CS: variants seen among roughly 807,000 people sequenced by gnomAD.
CS encodes the protein citrate synthase, mitochondrial.
Under a neutral mutation model 61.4 loss-of-function variants are expected in CS, and 13 were observed. The observed-to-expected ratio is 0.21, with a 90% CI of 0.14 to 0.34. The LOEUF is 0.34. CS is among the 10% of genes least tolerant of loss of function. The probability of loss-of-function intolerance (pLI) is 1.00; values close to 1 mark genes in which losing one functional copy is unlikely to be tolerated. For synonymous variants in CS, 159 were observed against 215.2 expected (o/e 0.74, Z 2.29); for missense variants, 278 against 573.4 (o/e 0.48, Z 5.26).
intron 7 of CS, 191 bp downstream of exon 7, chr12:56,275,805 C>T: frequency 1.7e-6 from 1 of 604,900 alleles, no homozygotes; most frequent in Non-Finnish European, 2.9e-6. Context: ...AGCATGGTTA[C>T]AGTAATTTCT....
chr12:56,277,925 G>A lies in CS; in HGVS notation c.589-1730C>T, dbSNP rs574032152. ...ATTACAGGAGTGAGCCACCGCACCC[G>A]GCCGAGGCTTCCATTCTTTAAGCAC... On this transcript the variant is annotated intron_variant, in intron 6 of 10. Coordinates refer to ENST00000351328, the MANE Select transcript of CS (RefSeq NM_004077.3). Among the ~76,000 whole-genome samples, 8 of 151,846 alleles carry A rather than the reference G, an allele frequency of 5.3e-5. No homozygotes were observed. In the South Asian group the frequency reaches 1.0e-3, roughly 20 times the overall value.
At chr12:56,299,940 G>T (rs1282406325) in intron 1 of CS, 2 of 494,134 alleles carry the variant, frequency 4.0e-6, no homozygotes, top group African/African-American at 2.1e-5. Flanking sequence ...TCTGGACTGC[G>T]GGCCGAGGGC....
At chr12:56,299,178 C>T (rs1873400213) in intron 1 of CS, among the ~76,000 whole-genome samples, 1 of 152,086 alleles carries the variant, frequency 6.6e-6, no homozygotes, top group Non-Finnish European at 1.5e-5. Context: ...TGGGACTGTC[C>T]CCTGCTTGGA....
In CS at chr12:56,300,166, T is replaced by C; in HGVS notation, c.36A>G (p.Gly12=). 3 of 1,568,952 alleles carry C rather than the reference T, an allele frequency of 1.9e-6. No homozygotes were observed. The highest frequency in any genetic ancestry group is 2.6e-6 in the Non-Finnish European group (3 of 1,158,322). ...ALLTAAARLL[G]TKNASCLVLA... ...CCCTCCCCTCGCTGCTCACCTTGGT[T>C]CCCAAGAGCCGGGCGGCCGCAGTAA... The change falls in exon 1 of 11, where the codon GGA becomes GGG. Residue 12 remains glycine, a synonymous_variant. Transcript: ENST00000351328.
intron 9 of CS, 199 bp from the exon 10 acceptor site, chr12:56,273,995 G>T: frequency 3.7e-6 from 2 of 542,646 alleles, no homozygotes; most frequent in Non-Finnish European, 3.3e-6. Context: ...CAACACATCT[G>T]GCTTTTTTTT....
intron 1 of CS, among the ~76,000 whole-genome samples, chr12:56,298,253 C>T (rs1241483065): frequency 6.6e-6 from 1 of 152,198 alleles, no homozygotes; most frequent in Non-Finnish European, 1.5e-5. Context: ...CCGCCTCTGC[C>T]TCCCAAAGTG....
intron 3 of CS, among the ~76,000 whole-genome samples, chr12:56,284,897 CA>C (rs71081341): frequency 0.82 from 82,009 of 99,840 alleles, 33,077 homozygotes; most frequent in South Asian, 0.93. Context: ...GACTCCGTCC[CA>C]AAAAAAAAAA....
At chr12:56,281,463 C>T (rs1872774697) in intron 6 of CS, among the ~76,000 whole-genome samples, 1 of 152,176 alleles carries the variant, frequency 6.6e-6, no homozygotes, top group Non-Finnish European at 1.5e-5. Context: ...TGATGGGTAT[C>T]TTAGGTTGGC....
rs763449854 is a variant in CS, at chr12:56,282,916, G to C, written c.343C>G (p.Leu115Val). Residue 115 changes from leucine to valine, a missense_variant, in exon 5 of 11, where the codon CTG becomes GTG. By Grantham distance (32) the Leu-to-Val change is conservative (BLOSUM62 1). This residue lies in a region of CS where 223 missense variants were observed against 503.5 expected (regional missense o/e 0.44). Coordinates refer to ENST00000351328, the MANE Select transcript of CS (RefSeq NM_004077.3). ...AGCAGCCAAAATAAGCCCTCAGGCA[G>C]GGGTTCTTCCCCACCCTTAGCCTTG... ...LPKAKGGEEP[L>V]PEGLFWLLVT... 1.2e-6 allele frequency: 2 copies of C among 1,614,078 alleles called. No individual in the cohort carries two copies. Among genetic ancestry groups the C allele is most frequent in the East Asian group, 4.5e-5 (2 of 44,900 alleles).
intron 1 of CS, among the ~76,000 whole-genome samples, chr12:56,296,662 C>T (rs1873316589): frequency 6.6e-6 from 1 of 152,104 alleles, no homozygotes; most frequent in Admixed American, 6.6e-5. Flanking sequence ...CCTTCTGCTG[C>T]CCCTTGGATT....
chr12:56,278,732 C>CG (rs1369628886), intron 6 of CS, among the ~76,000 whole-genome samples: 1 of 141,502 alleles, frequency 7.1e-6, no homozygotes, highest in Non-Finnish European at 1.5e-5. Flanking sequence ...GACTCTGTCT[C>CG]GGAAAAAAAA....
chr12:56,275,667 C>T, intron 7 of CS: 1 of 381,826 alleles, frequency 2.6e-6, no homozygotes, highest in Non-Finnish European at 4.8e-6. Context: ...TGCCTGTATG[C>T]TCTGCTCCAT....
At chr12:56,292,389 TA>T (rs759545743) in intron 1 of CS, among the ~76,000 whole-genome samples, 1,817 of 109,094 alleles carry the variant, frequency 0.017, 9 homozygotes, top group Middle Eastern at 0.026. Context: ...AGACTTGGTC[TA>T]AAAAAAAAAA....
chr12:56,299,951 G>T (rs540336480), intron 1 of CS: 2 of 509,764 alleles, frequency 3.9e-6, no homozygotes, highest in Non-Finnish European at 3.5e-6. Flanking sequence ...GGCCGAGGGC[G>T]GGCGGCGTGC....
At position 56,286,325 on chromosome 12, in the gene CS, TA is replaced by T. The variant is rs538261698; in HGVS notation, c.93+269del. 465 of 528,846 alleles carry T rather than the reference TA, an allele frequency of 8.8e-4. 2 individuals are homozygous for T. The highest frequency in any genetic ancestry group is 3.0e-3 in the African/African-American group (161 of 52,810). The allele number at this position is 528,846 out of a possible 1,614,324, so 32.8% of individuals were successfully genotyped here. ...ATATACTTAAAAATGATTAAAATGG[TA>T]AATTTTATGTTATGTATATTTTACA... On this transcript the variant is annotated intron_variant, in intron 2 of 10. Coordinates refer to ENST00000351328, the MANE Select transcript of CS (RefSeq NM_004077.3).
chr12:56,287,590 A>G (rs1245677090), intron 1 of CS, among the ~76,000 whole-genome samples: 2 of 151,914 alleles, frequency 1.3e-5, no homozygotes, highest in Admixed American at 6.6e-5. Flanking sequence ...AATAAAAAAT[A>G]CATCTGTGAG....
chr12:56,277,434 G>C (rs1449910864), intron 6 of CS, among the ~76,000 whole-genome samples: 1 of 150,940 alleles, frequency 6.6e-6, no homozygotes, highest in African/African-American at 2.4e-5. Flanking sequence ...GGCAGGTGGA[G>C]CTTGCAGTGA....
chr12:56,294,423 G>A (rs1359202409), intron 1 of CS, among the ~76,000 whole-genome samples: 2 of 137,086 alleles, frequency 1.5e-5, no homozygotes, highest in Non-Finnish European at 3.1e-5. Context: ...GCAGTGAGCC[G>A]AGATCATGCC....
At chr12:56,288,330 C>T (rs548510772) in intron 1 of CS, among the ~76,000 whole-genome samples, 56 of 150,740 alleles carry the variant, frequency 3.7e-4, no homozygotes, top group Non-Finnish European at 6.6e-4. Flanking sequence ...TTCTATAGGG[C>T]TGAAGGCTTT....
Sources: gnomAD v4.1 joint callset for allele counts (sites outside exome capture counted in the v4.1 genomes callset) on GRCh38, gnomAD v4.1.1 for gene constraint, gnomAD v4.1.1 regional missense constraint, MANE v1.5 for transcripts, NCBI Gene and HGNC (gene_info 2026-07-23, HGNC 2026-07-21) for gene names.